EPHA6: variants seen among roughly 807,000 people sequenced by gnomAD.
EPHA6 encodes the protein EPH receptor A6, also known as ephrin type-A receptor 6.
In EPHA6, 50 loss-of-function variants were observed where a neutral mutation model predicts 112.0. That is an observed-to-expected ratio of 0.45 (90% CI 0.36 to 0.56). EPHA6 has a LOEUF of 0.56. Ranked by LOEUF, EPHA6 falls within the 20% of genes least tolerant of loss-of-function variation. EPHA6 has a pLI of 0.00. For missense variants in EPHA6, 1,280 were observed against 1,417.4 expected, an observed-to-expected ratio of 0.90 and a Z score of 1.56; for synonymous variants, 529 against 490.7, an observed-to-expected ratio of 1.08 and a Z score of -1.03.
chr3:97,065,348 A>C (rs1302101008), intron 3 of EPHA6, among the ~76,000 whole-genome samples: 1 of 152,164 alleles, frequency 6.6e-6, no homozygotes, highest in Non-Finnish European at 1.5e-5. Context: ...TGAAATATGC[A>C]TGTTACCAAA....
At chr3:96,879,790 T>C (rs947934203) in intron 2 of EPHA6, among the ~76,000 whole-genome samples, 3 of 152,166 alleles carry the variant, frequency 2.0e-5, no homozygotes, top group African/African-American at 7.2e-5. Context: ...ATTGGGTTCT[T>C]GATTTGATTC....
chr3:97,019,991 T>C (rs2044397347), intron 3 of EPHA6, among the ~76,000 whole-genome samples: 1 of 152,186 alleles, frequency 6.6e-6, no homozygotes, highest in African/African-American at 2.4e-5. Context: ...CAAGTGCTTT[T>C]CCAGATTCCT....
chr3:97,535,773 CT>C (rs2092755642), intron 11 of EPHA6, among the ~76,000 whole-genome samples: 1 of 152,076 alleles, frequency 6.6e-6, no homozygotes, highest in Admixed American at 6.6e-5. Context: ...AATTCATAGA[CT>C]CTCAGTTGAA....
rs899806339 is a variant in EPHA6, at chr3:97,759,971, C to T, written c.*11270C>T. ...TGAGAACTTCTCAATGCCATAAATA[C>T]TGTTTTCCTTATTTTCATCTATTAC... is the stretch of plus-strand genomic sequence containing the variant. On this transcript the variant is annotated 3_prime_UTR_variant, in exon 18 of 18. Coordinates refer to ENST00000389672, the MANE Select transcript of EPHA6 (RefSeq NM_001080448.3). 60 of 191,366 alleles carry T rather than the reference C, an allele frequency of 3.1e-4. 1 individual carries two copies. The highest frequency in any genetic ancestry group is 1.9e-3 in the Middle Eastern group (1 of 534). The allele number at this position is 191,366 out of a possible 1,614,324, so 11.9% of individuals were successfully genotyped here.
intron 5 of EPHA6, among the ~76,000 whole-genome samples, chr3:97,284,414 A>G (rs2080394578): frequency 6.6e-6 from 1 of 152,180 alleles, no homozygotes; most frequent in Non-Finnish European, 1.5e-5. Flanking sequence ...TCTTATTCTG[A>G]GAACATCTTA....
At chr3:97,425,511 A>C (rs2089042671) in intron 6 of EPHA6, among the ~76,000 whole-genome samples, 1 of 152,184 alleles carries the variant, frequency 6.6e-6, no homozygotes, top group Admixed American at 6.5e-5. Flanking sequence ...CAGGGCACCA[A>C]GTCCCTAGGC....
intron 3 of EPHA6, among the ~76,000 whole-genome samples, chr3:97,160,440 C>A: frequency 6.6e-6 from 1 of 151,872 alleles, no homozygotes; most frequent in Non-Finnish European, 1.5e-5. Context: ...CCATGCCTGG[C>A]TAATTTTTTT....
At chr3:97,137,230 C>T (rs1189261097) in intron 3 of EPHA6, among the ~76,000 whole-genome samples, 1 of 152,142 alleles carries the variant, frequency 6.6e-6, no homozygotes, top group African/African-American at 2.4e-5. Context: ...TCCTCACTGC[C>T]TATGGTATGT....
At chr3:97,481,399 G>C (rs2091539661) in intron 9 of EPHA6, 3 of 1,478,300 alleles carry the variant, frequency 2.0e-6, no homozygotes, top group Admixed American at 3.4e-5. Flanking sequence ...ATTTTTTGCT[G>C]TGGGTTTTAT....
chr3:97,181,631 A>C (rs140634223), intron 3 of EPHA6, among the ~76,000 whole-genome samples: 115 of 152,042 alleles, frequency 7.6e-4, no homozygotes, highest in African/African-American at 2.6e-3. Flanking sequence ...ATATGTATAA[A>C]ACTTTTAACC....
At chr3:97,342,125 G>A (rs1490860653) in intron 5 of EPHA6, among the ~76,000 whole-genome samples, 1 of 152,134 alleles carries the variant, frequency 6.6e-6, no homozygotes, top group East Asian at 1.9e-4. Flanking sequence ...TAAGCAAAGA[G>A]CAGTCTTTTT....
intron 2 of EPHA6, among the ~76,000 whole-genome samples, chr3:96,916,057 C>T (rs1422574040): frequency 6.6e-6 from 1 of 151,924 alleles, no homozygotes; most frequent in Non-Finnish European, 1.5e-5. Context: ...ATTTAAAATG[C>T]TGTTCATCAA....
chr3:96,958,351 T>C (rs1432157465), intron 2 of EPHA6, among the ~76,000 whole-genome samples: 1 of 152,104 alleles, frequency 6.6e-6, no homozygotes, highest in Non-Finnish European at 1.5e-5. Flanking sequence ...TTCTCTGACT[T>C]TGGGATGTTA....
In EPHA6 at chr3:97,292,879, T is replaced by C. The variant is rs571226378; in HGVS notation, c.1606+48592T>C. On this transcript the variant is annotated intron_variant, in intron 5 of 17. Coordinates refer to ENST00000389672, the MANE Select transcript of EPHA6 (RefSeq NM_001080448.3). ...GTAGCTCCTTCCCTCAGGCAGGTCATCTCAGTGAGCGTCCAGCTCTCAGTG... is the reference window on the plus strand; with the variant it reads ...GTAGCTCCTTCCCTCAGGCAGGTCACCTCAGTGAGCGTCCAGCTCTCAGTG... Among the ~76,000 whole-genome samples, 3 of 151,588 alleles carry C rather than the reference T, an allele frequency of 2.0e-5. No homozygotes were observed. The South Asian group carries it at 6.3e-4, about 32-fold the overall frequency.
chr3:97,501,207 T>C lies in EPHA6; in HGVS notation c.2200+17148T>C, dbSNP rs148925802. Reference sequence around the variant, plus strand: ...TTAATAACTTCTATTACCCAAGGAATAAATTGAGTAAAGCTGGAGGATCTG... The same window carrying C: ...TTAATAACTTCTATTACCCAAGGAACAAATTGAGTAAAGCTGGAGGATCTG... On this transcript the variant is annotated intron_variant, in intron 10 of 17. Coordinates refer to ENST00000389672, the MANE Select transcript of EPHA6 (RefSeq NM_001080448.3). 6.5e-3 allele frequency among the ~76,000 whole-genome samples: 993 copies of C among 152,268 alleles called. 10 individuals are homozygous for C. The highest frequency in any genetic ancestry group is 0.022 in the African/African-American group (914 of 41,572).
In EPHA6 at chr3:96,938,687, A is replaced by T. The variant is rs549115246; in HGVS notation, c.451-48643A>T. Among the ~76,000 whole-genome samples the T allele has an allele frequency of 9.9e-4, 150 of 151,814 alleles. No individual in the cohort carries two copies. The South Asian group carries it at 0.012, about 12-fold the overall frequency. Reference sequence around the variant, plus strand: ...AGAGAGGGCATCCCTGTCTTGTGCCAGTTTTCAAAGGGAATGCTTCCAGTT... The same window carrying T: ...AGAGAGGGCATCCCTGTCTTGTGCCTGTTTTCAAAGGGAATGCTTCCAGTT... On this transcript the variant is annotated intron_variant, in intron 2 of 17. Coordinates refer to ENST00000389672, the MANE Select transcript of EPHA6 (RefSeq NM_001080448.3).
At chr3:97,675,079 G>A (rs893031297) in intron 14 of EPHA6, among the ~76,000 whole-genome samples, 1 of 152,146 alleles carries the variant, frequency 6.6e-6, no homozygotes, top group Non-Finnish European at 1.5e-5. Context: ...TTATTATTCT[G>A]TGTACACCTA....
chr3:97,439,598 A>G (rs2090031207), intron 6 of EPHA6: 1 of 1,005,394 alleles, frequency 9.9e-7, no homozygotes, highest in Non-Finnish European at 1.2e-6. Flanking sequence ...GTCACAATGG[A>G]GAATCCAAGG....
rs547626987 is a variant in EPHA6, at chr3:97,607,513, C to T, written c.2513-3280C>T. On this transcript the variant is annotated intron_variant, in intron 12 of 17. Transcript: ENST00000389672. ...ACTGATTTCTTAGAGGATCTTCATT[C>T]AAATGCAGTTTAAAATATTCATAAG... is the stretch of plus-strand genomic sequence containing the variant. 1.4e-4 allele frequency among the ~76,000 whole-genome samples: 21 copies of T among 151,272 alleles called. No individual in the cohort carries two copies. The East Asian group carries it at 4.1e-3, about 29-fold the overall frequency.
Sources: allele counts gnomAD v4.1 joint callset (sites outside exome capture counted in the v4.1 genomes callset), GRCh38; gene constraint gnomAD v4.1.1; transcripts MANE v1.5; gene names NCBI Gene and HGNC (gene_info 2026-07-23, HGNC 2026-07-21).